Variants in MBNL1 observed in about 807,000 individuals in gnomAD.
MBNL1 encodes the protein muscleblind like splicing regulator 1.
A neutral mutation model predicts 42.2 loss-of-function variants in MBNL1; 8 were observed. The observed-to-expected ratio is 0.19, with a 90% CI of 0.11 to 0.34. The LOEUF is 0.34. Among genes scored for constraint, MBNL1 ranks in the 10% least tolerant of loss-of-function variants. MBNL1 has a pLI of 1.00. For synonymous variants in MBNL1, 169 were observed against 173.9 expected (o/e 0.97, Z 0.22); for missense variants, 309 against 495.3 (o/e 0.62, Z 3.57).
chr3:152,414,718 C>T (rs1264161558), intron 2 of MBNL1, among the ~76,000 whole-genome samples: 1 of 152,110 alleles, frequency 6.6e-6, no homozygotes, highest in East Asian at 1.9e-4. Context: ...ATAATTGAAA[C>T]TCTTTAAGCT....
intron 2 of MBNL1, among the ~76,000 whole-genome samples, chr3:152,397,937 T>G (rs1284496480): frequency 2.0e-5 from 3 of 152,122 alleles, no homozygotes; most frequent in African/African-American, 7.2e-5. Context: ...TTTCAGAGAT[T>G]ATTATTATTT....
At chr3:152,392,082 A>AC (rs2153478977) in intron 2 of MBNL1, among the ~76,000 whole-genome samples, 1 of 151,968 alleles carries the variant, frequency 6.6e-6, no homozygotes, top group Non-Finnish European at 1.5e-5. Context: ...TTTTGTGCAA[A>AC]AAAAAAAAGT....
chr3:152,272,360 A>G (rs939958759), intron 1 of MBNL1, among the ~76,000 whole-genome samples: 5 of 152,136 alleles, frequency 3.3e-5, no homozygotes, highest in African/African-American at 1.2e-4. Context: ...AGAAAAACTT[A>G]TAATTAGAGA....
intron 1 of MBNL1, among the ~76,000 whole-genome samples, chr3:152,273,330 A>G (rs553211138): frequency 1.3e-5 from 2 of 152,198 alleles, no homozygotes; most frequent in African/African-American, 4.8e-5. Flanking sequence ...TATAAAAAAT[A>G]AACGTTTATA....
intron 2 of MBNL1, among the ~76,000 whole-genome samples, chr3:152,384,953 A>AT (rs2097345838): frequency 6.6e-6 from 1 of 152,026 alleles, no homozygotes; most frequent in Non-Finnish European, 1.5e-5. Flanking sequence ...TCAGATAATT[A>AT]TTATTTATTC....
chr3:152,435,013 CT>C (rs1442503230), intron 4 of MBNL1, among the ~76,000 whole-genome samples: 1 of 151,666 alleles, frequency 6.6e-6, no homozygotes, highest in Non-Finnish European at 1.5e-5. Flanking sequence ...TTGATAGTTT[CT>C]TTGGCTGTGT....
intron 2 of MBNL1, among the ~76,000 whole-genome samples, chr3:152,407,594 G>A (rs1296230791): frequency 1.3e-5 from 2 of 152,018 alleles, no homozygotes; most frequent in Non-Finnish European, 2.9e-5. Flanking sequence ...AGGGTGCTAT[G>A]ATACTAAACA....
chr3:152,458,236 T>A, intron 8 of MBNL1: 1 of 1,567,360 alleles, frequency 6.4e-7, no homozygotes, highest in Non-Finnish European at 8.8e-7. Flanking sequence ...TTTCGTGCCA[T>A]TTGCCAATGC....
chr3:152,369,237 T>A lies in MBNL1; in HGVS notation c.175-45704T>A, dbSNP rs537565841. 5.9e-5 allele frequency among the ~76,000 whole-genome samples: 9 copies of A among 152,272 alleles called. No individual in the cohort carries two copies. In the South Asian group the frequency reaches 1.9e-3, roughly 32 times the overall value. The stretch of plus-strand genomic sequence containing the variant: ...AGCATGAAGGGGTGTTGAATTTTAT[T>A]GAAGGCCTTTTCTGCATCTATTGGG... On this transcript the variant is annotated intron_variant, in intron 2 of 9. Transcript: ENST00000324210.
intron 6 of MBNL1, among the ~76,000 whole-genome samples, chr3:152,448,730 A>G (rs921852204): frequency 1.3e-5 from 2 of 152,152 alleles, no homozygotes; most frequent in Non-Finnish European, 2.9e-5. Context: ...TAGGTTCATA[A>G]TGCTATAAGA....
At chr3:152,428,979 G>T (rs769941210) in intron 3 of MBNL1, among the ~76,000 whole-genome samples, 1 of 152,122 alleles carries the variant, frequency 6.6e-6, no homozygotes, top group Non-Finnish European at 1.5e-5. Context: ...ATTCACTCAA[G>T]TACTAATTCA....
chr3:152,387,928 A>G (rs1352980042), intron 2 of MBNL1, among the ~76,000 whole-genome samples: 2 of 152,196 alleles, frequency 1.3e-5, no homozygotes, highest in African/African-American at 2.4e-5. Flanking sequence ...AAGAGTGGTA[A>G]GCCAGTTTAC....
intron 2 of MBNL1, among the ~76,000 whole-genome samples, chr3:152,318,593 T>C (rs1186685843): frequency 6.6e-6 from 1 of 152,172 alleles, no homozygotes; most frequent in Non-Finnish European, 1.5e-5. Flanking sequence ...AATCATTTGT[T>C]TGTGGGTTTA....
chr3:152,265,396 G>T (rs932163233), upstream of MBNL1: 1 of 148,608 alleles, frequency 6.7e-6, no homozygotes, highest in South Asian at 2.1e-4. Flanking sequence ...GAGTGTGTGT[G>T]TGTGTGTGTG....
rs62272735 is a variant in MBNL1 at position 152,327,453 on chromosome 3, T to A, written c.174+27086T>A. Among the ~76,000 whole-genome samples, 890 of 152,266 alleles carry A rather than the reference T, an allele frequency of 5.8e-3. 8 individuals carry two copies. Among genetic ancestry groups the A allele is most frequent in the Non-Finnish European group, 7.7e-3 (524 of 68,018 alleles). The stretch of plus-strand genomic sequence containing the variant: ...ACCGCCGCCTCCTAGGTTTAAGTGA[T>A]TCTCCTGCCTCAGCCTCCTAAGTAG... On this transcript the variant is annotated intron_variant, in intron 2 of 9. Coordinates refer to ENST00000324210, the MANE Select transcript of MBNL1 (RefSeq NM_021038.5).
chr3:152,278,932 C>T (rs2046854487), intron 1 of MBNL1, among the ~76,000 whole-genome samples: 1 of 151,990 alleles, frequency 6.6e-6, no homozygotes, highest in African/African-American at 2.4e-5. Context: ...ATGCAAGGCA[C>T]TATACAAGTT....
chr3:152,339,658 G>A (rs954913343), intron 2 of MBNL1: 11 of 151,836 alleles, frequency 7.2e-5, no homozygotes, highest in African/African-American at 2.7e-4. Context: ...TGAAATTAAC[G>A]CTATTAGCTT....
intron 2 of MBNL1, among the ~76,000 whole-genome samples, chr3:152,250,659 G>T (rs1399221224): frequency 1.3e-5 from 2 of 150,244 alleles, no homozygotes; most frequent in Non-Finnish European, 3.0e-5. Flanking sequence ...ACACTATGTT[G>T]AATAGGAGTG....
At chr3:152,272,758 T>C (rs1390468605) in intron 1 of MBNL1, among the ~76,000 whole-genome samples, 5 of 152,180 alleles carry the variant, frequency 3.3e-5, no homozygotes, top group African/African-American at 4.8e-5. Context: ...GGAGACACTG[T>C]CTTTATAATT....
Sources: gnomAD v4.1 joint callset for allele counts (sites outside exome capture counted in the v4.1 genomes callset) on GRCh38, gnomAD v4.1.1 for gene constraint, MANE v1.5 for transcripts, NCBI Gene and HGNC (gene_info 2026-07-23, HGNC 2026-07-21) for gene names.